CNTLN: variants seen among roughly 807,000 people sequenced by gnomAD.
The protein encoded by CNTLN is centlein, centrosomal protein.
Under a neutral mutation model 180.0 loss-of-function variants are expected in CNTLN, and 212 were observed. The observed-to-expected ratio is 1.18, with a 90% CI of 1.05 to 1.32. CNTLN has a LOEUF of 1.32. CNTLN is among the 40% of genes most tolerant of loss of function. The pLI is 0.00. For missense variants in CNTLN, 2,095 were observed against 1,610.9 expected, an observed-to-expected ratio of 1.30 and a Z score of -5.14; for synonymous variants, 722 against 563.1, an observed-to-expected ratio of 1.28 and a Z score of -3.99.
At chr9:17,469,596 T>C (rs1030373902) in intron 23 of CNTLN, among the ~76,000 whole-genome samples, 2 of 151,866 alleles carry the variant, frequency 1.3e-5, no homozygotes, top group African/African-American at 4.8e-5. Context: ...GTTAGATCAA[T>C]GCTTCCTCCT....
chr9:17,296,589 C>G (rs1237947853), intron 6 of CNTLN, among the ~76,000 whole-genome samples: 1 of 151,962 alleles, frequency 6.6e-6, no homozygotes, highest in African/African-American at 2.4e-5. Flanking sequence ...TGCGTATTTC[C>G]TTTGATAATT....
chr9:17,151,188 A>G (rs1042479715), intron 2 of CNTLN, among the ~76,000 whole-genome samples: 1 of 152,132 alleles, frequency 6.6e-6, no homozygotes, highest in Non-Finnish European at 1.5e-5. Flanking sequence ...ATTATGTTGA[A>G]TAGGAGTGGT....
intron 5 of CNTLN, among the ~76,000 whole-genome samples, chr9:17,268,457 G>C (rs987423102): frequency 2.6e-5 from 4 of 152,166 alleles, no homozygotes; most frequent in Non-Finnish European, 4.4e-5. Flanking sequence ...CCTACTGGGG[G>C]GTGCCTCCCA....
At chr9:17,517,550 A>C in the CNTLN span, among the ~76,000 whole-genome samples, 2 of 152,154 alleles carry the variant, frequency 1.3e-5, no homozygotes, top group African/African-American at 4.8e-5. Context: ...AGAGATTGGG[A>C]GACACAAAGA....
chr9:17,259,702 G>A (rs1158625881), intron 5 of CNTLN, among the ~76,000 whole-genome samples: 2 of 150,698 alleles, frequency 1.3e-5, no homozygotes, highest in African/African-American at 2.5e-5. Context: ...GTTTAGTCTT[G>A]GGAGAGTGTA....
chr9:17,509,909 C>T, the CNTLN span, among the ~76,000 whole-genome samples: 3 of 152,148 alleles, frequency 2.0e-5, no homozygotes, highest in Non-Finnish European at 4.4e-5. Flanking sequence ...TGCCTGGCTG[C>T]TTTGGCTTCC....
chr9:17,517,953 C>T, the CNTLN span, among the ~76,000 whole-genome samples: 1 of 151,678 alleles, frequency 6.6e-6, no homozygotes, highest in Non-Finnish European at 1.5e-5. Context: ...TTAACCACCC[C>T]CCAAGGAGCC....
chr9:17,352,362 G>A (rs935750655), intron 12 of CNTLN, among the ~76,000 whole-genome samples: 1 of 146,520 alleles, frequency 6.8e-6, no homozygotes, highest in Admixed American at 6.9e-5. Context: ...CCTCTGCAAA[G>A]CAAGACTCCC....
chr9:17,354,003 G>GTGGGCT (rs1822593558), intron 12 of CNTLN, among the ~76,000 whole-genome samples: 3 of 152,202 alleles, frequency 2.0e-5, no homozygotes, highest in Non-Finnish European at 2.9e-5. Flanking sequence ...TCGGGTGGGC[G>GTGGGCT]TGGGCTTGGC....
chr9:17,325,556 TAC>T (rs142190202), intron 8 of CNTLN, among the ~76,000 whole-genome samples: 243 of 147,614 alleles, frequency 1.6e-3, no homozygotes, highest in African/African-American at 5.1e-3. Context: ...CAGATTTTAT[TAC>T]ACACACACAC....
chr9:17,268,528 C>A lies in CNTLN; in HGVS notation c.850-5205C>A, dbSNP rs150155374. ...AGGCAGTCTGCCCGTTCTCAGATCT[C>A]TAGCCGCGTGCTGCGAGAACCACTA... On this transcript the variant is annotated intron_variant, in intron 5 of 25. Coordinates refer to ENST00000380647, the MANE Select transcript of CNTLN (RefSeq NM_017738.4). Among the ~76,000 whole-genome samples, 554 of 152,308 alleles carry A rather than the reference C, an allele frequency of 3.6e-3. 1 individual carries two copies. Among genetic ancestry groups the A allele is most frequent in the African/African-American group, 0.012 (492 of 41,572 alleles).
chr9:17,272,861 TA>T (rs1828045145), intron 5 of CNTLN, among the ~76,000 whole-genome samples: 6 of 151,994 alleles, frequency 3.9e-5, no homozygotes, highest in Admixed American at 3.9e-4. Flanking sequence ...AAAGATAGAG[TA>T]AGTTTTTAAA....
the CNTLN span, among the ~76,000 whole-genome samples, chr9:17,521,866 T>A: frequency 2.6e-5 from 4 of 152,242 alleles, no homozygotes; most frequent in Admixed American, 2.6e-4. Flanking sequence ...CTCTAAAAAA[T>A]TGCAAATGCT....
the CNTLN span, among the ~76,000 whole-genome samples, chr9:17,525,552 G>T: frequency 1.3e-5 from 2 of 152,028 alleles, no homozygotes; most frequent in South Asian, 2.1e-4. Flanking sequence ...TTCCTACATT[G>T]GTTTGCGAGT....
intron 8 of CNTLN, among the ~76,000 whole-genome samples, chr9:17,323,063 T>C (rs1000301185): frequency 6.6e-6 from 1 of 152,116 alleles, no homozygotes; most frequent in Admixed American, 6.6e-5. Flanking sequence ...TAAATTAGAG[T>C]GCTCTGTGTT....
chr9:17,251,845 T>G (rs916949439), intron 5 of CNTLN, among the ~76,000 whole-genome samples: 1 of 151,856 alleles, frequency 6.6e-6, no homozygotes, highest in Admixed American at 6.6e-5. Flanking sequence ...TTCTTCCATC[T>G]AACTGCATAT....
intron 2 of CNTLN, among the ~76,000 whole-genome samples, chr9:17,173,498 C>T (rs570934923): frequency 5.9e-5 from 9 of 152,120 alleles, no homozygotes; most frequent in South Asian, 4.1e-4. Context: ...ATTGTAGAAG[C>T]GTGGACAGAT....
At chr9:17,209,030 GTTGT>G (rs567067653) in intron 2 of CNTLN, among the ~76,000 whole-genome samples, 13 of 151,836 alleles carry the variant, frequency 8.6e-5, no homozygotes, top group Non-Finnish European at 1.6e-4. Flanking sequence ...CAATGGTTAG[GTTGT>G]TTATTTGAAG....
chr9:17,354,320 G>C (rs2133323069), intron 12 of CNTLN, among the ~76,000 whole-genome samples: 1 of 152,360 alleles, frequency 6.6e-6, no homozygotes, highest in East Asian at 1.9e-4. Flanking sequence ...GAGGAGTGCA[G>C]GCGCACGGCA....
Sources: gnomAD v4.1 joint callset for allele counts (sites outside exome capture counted in the v4.1 genomes callset) on GRCh38, gnomAD v4.1.1 for gene constraint, MANE v1.5 for transcripts, NCBI Gene and HGNC (gene_info 2026-07-23, HGNC 2026-07-21) for gene names.